ALPK3: variants seen among roughly 807,000 people sequenced by gnomAD.
ALPK3 encodes the protein alpha kinase 3.
Under a neutral mutation model 140.0 loss-of-function variants are expected in ALPK3, and 102 were observed. The observed-to-expected ratio is 0.73, with a 90% CI of 0.62 to 0.86. The LOEUF is 0.86. Among genes scored for constraint, ALPK3 ranks in the 40% least tolerant of loss-of-function variants. The pLI, the probability that ALPK3 is intolerant of heterozygous loss-of-function variation, is 0.00. For synonymous variants in ALPK3, 938 were observed against 898.5 expected (o/e 1.04, Z -0.79); for missense variants, 2,254 against 2,208.2 (o/e 1.02, Z -0.42).
At chr15:84,858,673 A>G (rs1309272288) in intron 6 of ALPK3, 118 bp downstream of exon 6, 2 of 1,399,858 alleles carry the variant, frequency 1.4e-6, no homozygotes, top group Non-Finnish European at 1.9e-6. Context: ...CGGGATTCAT[A>G]AATTACCTTG....
At position 84,858,068 on chromosome 15, in the gene ALPK3, C is replaced by A; in HGVS notation, c.3330C>A (p.Ser1110Arg). 1 of 1,568,746 alleles carries A rather than the reference C, an allele frequency of 6.4e-7. No homozygotes were observed. Residue 1110 changes from serine (S) to arginine (R), a missense_variant, in exon 6 of 14, where the codon AGC becomes AGA. Transcript: ENST00000258888. Reference protein sequence around the residue: ...PGLLGASQESSMAGRLGEAGG... With the variant: ...PGLLGASQESRMAGRLGEAGG... ...TCCTGGGGGCCTCTCAGGAGAGCAG[C>A]ATGGCTGGTCGACTGGGGGAGGCGG...
chr15:84,835,517 C>T (rs936788809), intron 3 of ALPK3, among the ~76,000 whole-genome samples: 1 of 152,222 alleles, frequency 6.6e-6, no homozygotes. Context: ...AATTACCACA[C>T]CACAGTGTCA....
chr15:84,863,702 A>G, intron 11 of ALPK3, 62 bp downstream of exon 11: 1 of 1,516,756 alleles, frequency 6.6e-7, no homozygotes, highest in Non-Finnish European at 9.0e-7. Flanking sequence ...TTCTGCAAAG[A>G]CAGTGATTTC....
In ALPK3 at chr15:84,858,136, T is replaced by C. The variant is rs773692349; in HGVS notation, c.3398T>C (p.Ile1133Thr). Residue 1133 changes from isoleucine (I) to threonine (T), a missense_variant, in exon 6 of 14, where the codon ATA becomes ACA. By Grantham distance (89) the Ile-to-Thr change is moderately conservative. This residue lies in a region of ALPK3 where 2,088 missense variants were observed against 2,022.9 expected (regional missense o/e 1.03). Coordinates refer to ENST00000258888, the MANE Select transcript of ALPK3 (RefSeq NM_020778.5). ...APGQGPSAESIAQEPSQEEKF... is the reference protein window; with the variant it reads ...APGQGPSAESTAQEPSQEEKF... ...GGACAGGGGCCCTCAGCAGAGAGCA[T>C]AGCCCAGGAGCCCTCCCAAGAGGAG... is the stretch of plus-strand genomic sequence containing the variant. The C allele has an allele frequency of 6.3e-6, 10 of 1,597,198 alleles. No individual in the cohort carries two copies. Among genetic ancestry groups the C allele is most frequent in the Non-Finnish European group, 8.5e-6 (10 of 1,173,744 alleles).
intron 5 of ALPK3, among the ~76,000 whole-genome samples, chr15:84,849,512 C>T (rs1963777049): frequency 6.6e-6 from 1 of 151,976 alleles, no homozygotes; most frequent in African/African-American, 2.4e-5. Flanking sequence ...ATATCCTGGA[C>T]CATAATATAA....
chr15:84,849,334 C>T (rs915555212), intron 5 of ALPK3, among the ~76,000 whole-genome samples: 7 of 152,098 alleles, frequency 4.6e-5, no homozygotes, highest in African/African-American at 1.7e-4. Flanking sequence ...TTTAACACTC[C>T]TCTCTCTCAG....
At chr15:84,822,042 T>G (rs907950490) in intron 1 of ALPK3, among the ~76,000 whole-genome samples, 1 of 151,744 alleles carries the variant, frequency 6.6e-6, no homozygotes, top group Admixed American at 6.6e-5. Context: ...CCAACCCAGT[T>G]AAGGAGTGGA....
At chr15:84,824,236 A>G (rs1963460459) in intron 2 of ALPK3, among the ~76,000 whole-genome samples, 1 of 152,220 alleles carries the variant, frequency 6.6e-6, no homozygotes, top group Non-Finnish European at 1.5e-5. Context: ...GTATTCCTGC[A>G]TAGCTTATTC....
intron 5 of ALPK3, among the ~76,000 whole-genome samples, chr15:84,849,975 T>G (rs981042996): frequency 7.8e-6 from 1 of 128,644 alleles, no homozygotes; most frequent in Admixed American, 8.3e-5. Flanking sequence ...ATCAATAATA[T>G]CAATAAACTT....
intron 3 of ALPK3, among the ~76,000 whole-genome samples, chr15:84,836,191 C>A (rs1380265166): frequency 6.6e-6 from 1 of 152,136 alleles, no homozygotes; most frequent in African/African-American, 2.4e-5. Context: ...GCCAGCAGGA[C>A]CACATGGGTG....
Position 84,868,457 on chromosome 15 carries a change from C to T in ALPK3, c.*1C>T. The T allele has an allele frequency of 6.2e-7, 1 of 1,603,886 alleles. No individual in the cohort carries two copies. The highest frequency in any genetic ancestry group is 8.5e-7 in the Non-Finnish European group (1 of 1,178,530). On this transcript the variant is annotated 3_prime_UTR_variant, in exon 14 of 14. Transcript: ENST00000258888. ...CTCCAAGGCCCAGGGCATGCGGTAGCCTCCGCAGAGGCTGGGGGCCTCCAC... is the reference window on the plus strand; with the variant it reads ...CTCCAAGGCCCAGGGCATGCGGTAGTCTCCGCAGAGGCTGGGGGCCTCCAC...
chr15:84,840,233 G>T lies in ALPK3; in HGVS notation c.954G>T (p.Lys318Asn). ...LKEESGAKKK[K>N]KDEESKQGLR... ...AGGAGAGTGGGGCCAAGAAGAAAAA[G>T]AAAGATGAGGAATCCAAGCAAGGCC... The change falls in exon 5 of 14, where the codon AAG (lysine) becomes AAT (asparagine). Residue 318 changes from lysine to asparagine, a missense_variant. Physicochemically the swap from Lys to Asn is moderately conservative, Grantham distance 94. This residue lies in a region of ALPK3 where 2,088 missense variants were observed against 2,022.9 expected (regional missense o/e 1.03). Transcript: ENST00000258888. 1 of 1,613,772 alleles carries T rather than the reference G, an allele frequency of 6.2e-7. No homozygotes were observed. The highest frequency in any genetic ancestry group is 8.5e-7 in the Non-Finnish European group (1 of 1,180,028).
At position 84,873,390 on chromosome 15, in the gene ALPK3, G is replaced by A. The variant is rs1964098498; in HGVS notation, c.*4934G>A. On this transcript the variant is annotated 3_prime_UTR_variant, in exon 14 of 14. Coordinates refer to ENST00000258888, the MANE Select transcript of ALPK3 (RefSeq NM_020778.5). Reference sequence around the variant, plus strand: ...GTATTAGCCAAGCCCTCCTAAAATAGTAATAACAGTATCTGGCGATTTGAG... The same window carrying A: ...GTATTAGCCAAGCCCTCCTAAAATAATAATAACAGTATCTGGCGATTTGAG... The A allele has an allele frequency of 6.6e-6, 1 of 152,200 alleles. No individual in the cohort carries two copies. The allele number at this position is 152,200 out of a possible 1,614,324, so 9.4% of individuals were successfully genotyped here.
intron 5 of ALPK3, among the ~76,000 whole-genome samples, chr15:84,855,475 A>G (rs780830690): frequency 2.6e-5 from 4 of 151,996 alleles, no homozygotes; most frequent in Non-Finnish European, 5.9e-5. Context: ...TGTTTATTTC[A>G]TGTTTACTTT....
At chr15:84,850,268 C>T (rs1007876409) in intron 5 of ALPK3, among the ~76,000 whole-genome samples, 8 of 152,190 alleles carry the variant, frequency 5.3e-5, no homozygotes, top group Non-Finnish European at 1.2e-4. Context: ...GGGCCATGCC[C>T]CCTTAGAGGG....
intron 5 of ALPK3, 130 bp from the exon 6 acceptor site, chr15:84,856,262 T>G: frequency 1.5e-6 from 2 of 1,363,202 alleles, no homozygotes; most frequent in Non-Finnish European, 2.0e-6. Flanking sequence ...CCAGCAGGCC[T>G]GAGAAACCAG....
intron 5 of ALPK3, among the ~76,000 whole-genome samples, chr15:84,851,430 A>G (rs1331121692): frequency 2.0e-5 from 3 of 152,134 alleles, no homozygotes. Context: ...ATATATTTTC[A>G]TTTTTAATTG....
chr15:84,845,002 A>G (rs1364466546), intron 5 of ALPK3, among the ~76,000 whole-genome samples: 1 of 152,252 alleles, frequency 6.6e-6, no homozygotes, highest in African/African-American at 2.4e-5. Flanking sequence ...TGTATCTCCC[A>G]CTGAATGCAG....
intron 5 of ALPK3, among the ~76,000 whole-genome samples, chr15:84,847,208 G>GAGAGAGAGAGAGAGAGAGAGAGAGA (rs373039929): frequency 2.6e-5 from 3 of 116,638 alleles, no homozygotes; most frequent in Non-Finnish European, 3.4e-5. Flanking sequence ...GGAGAAACGG[G>GAGAGAGAGAGAGAGAGAGAGAGAGA]GAGAGAGAGA....
Sources: allele counts gnomAD v4.1 joint callset (sites outside exome capture counted in the v4.1 genomes callset), GRCh38; gene constraint gnomAD v4.1.1; regional missense constraint gnomAD v4.1.1; transcripts MANE v1.5; gene names NCBI Gene and HGNC (gene_info 2026-07-23, HGNC 2026-07-21).